NINL: variants seen among roughly 807,000 people sequenced by gnomAD.
NINL encodes ninein-like protein.
A neutral mutation model predicts 160.3 loss-of-function variants in NINL; 153 were observed. The ratio of observed to expected loss-of-function variants is 0.95; its 90% CI spans 0.84 to 1.09. NINL has a LOEUF of 1.09. Ranked by LOEUF, NINL falls within the 50% of genes least tolerant of loss-of-function variation. The pLI is 0.00. For synonymous variants in NINL, 800 were observed against 734.8 expected (o/e 1.09, Z -1.43); for missense variants, 1,829 against 1,764.0 (o/e 1.04, Z -0.66).
intron 10 of NINL, 71 bp downstream of exon 10, chr20:25,496,592 T>A: frequency 1.3e-6 from 2 of 1,567,632 alleles, no homozygotes; most frequent in South Asian, 1.2e-5. Flanking sequence ...GGCAGCCCTG[T>A]GTCCACTACC....
chr20:25,481,168 C>T (rs1046877744), intron 14 of NINL, among the ~76,000 whole-genome samples: 3 of 152,128 alleles, frequency 2.0e-5, no homozygotes, highest in East Asian at 1.9e-4. Flanking sequence ...GAAGTTCTCC[C>T]GGGGTTACAG....
At chr20:25,482,487 C>T (rs541770394) in intron 13 of NINL, among the ~76,000 whole-genome samples, 6 of 152,132 alleles carry the variant, frequency 3.9e-5, no homozygotes, top group Admixed American at 2.0e-4. Flanking sequence ...TACAGGTGTG[C>T]GCCACTACGC....
rs187223112 is a variant in NINL at position 25,531,497 on chromosome 20, C to T, written c.-11-4899G>A. ...GTTCAGAGATTACAGTAAAGACAGG[C>T]GTAAGAAATTATAAAAGTATTAATT... On this transcript the variant is annotated intron_variant, in intron 1 of 23. Transcript: ENST00000278886. Among the ~76,000 whole-genome samples the T allele has an allele frequency of 7.0e-3, 1,064 of 152,198 alleles. 4 individuals carry two copies. The highest frequency in any genetic ancestry group is 0.011 in the Non-Finnish European group (748 of 68,014).
At chr20:25,511,080 C>T (rs1255096326) in intron 4 of NINL, among the ~76,000 whole-genome samples, 2 of 152,298 alleles carry the variant, frequency 1.3e-5, no homozygotes, top group African/African-American at 4.8e-5. Context: ...GAAGCTGTCC[C>T]CCTCTGCATG....
chr20:25,557,160 A>AATTT (rs1355737002), intron 1 of NINL, among the ~76,000 whole-genome samples: 1 of 152,210 alleles, frequency 6.6e-6, no homozygotes, highest in Admixed American at 6.5e-5. Flanking sequence ...ATTATTTTTG[A>AATTT]AAAGTAAGTG....
intron 1 of NINL, among the ~76,000 whole-genome samples, chr20:25,555,767 C>A (rs887220420): frequency 6.6e-6 from 1 of 152,140 alleles, no homozygotes; most frequent in Non-Finnish European, 1.5e-5. Context: ...TTCCACCTCC[C>A]GGGTTCAAGC....
At chr20:25,529,774 G>A (rs917720673) in intron 1 of NINL, among the ~76,000 whole-genome samples, 2 of 152,154 alleles carry the variant, frequency 1.3e-5, no homozygotes, top group Admixed American at 6.5e-5. Context: ...CCAGGAAGTC[G>A]AGGCTGCAGT....
chr20:25,531,312 C>T (rs2064456936), intron 1 of NINL, among the ~76,000 whole-genome samples: 1 of 152,134 alleles, frequency 6.6e-6, no homozygotes, highest in Non-Finnish European at 1.5e-5. Context: ...ACAATTTGTG[C>T]AGTTAATGCA....
intron 8 of NINL, among the ~76,000 whole-genome samples, chr20:25,500,186 C>G (rs1023832946): frequency 1.3e-5 from 2 of 152,316 alleles, no homozygotes; most frequent in South Asian, 4.1e-4. Flanking sequence ...ACCTCTGCCC[C>G]TGCACAGTTG....
intron 19 of NINL, among the ~76,000 whole-genome samples, chr20:25,465,318 T>G (rs1256593135): frequency 6.6e-6 from 1 of 152,120 alleles, no homozygotes; most frequent in Non-Finnish European, 1.5e-5. Flanking sequence ...GGATGTGTTG[T>G]CCAAAGAAGC....
chr20:25,461,735 T>G, intron 20 of NINL, 100 bp from the exon 21 acceptor site: 1 of 833,052 alleles, frequency 1.2e-6, no homozygotes, highest in Non-Finnish European at 1.9e-6. Context: ...AGAAAAAAAG[T>G]ACAAAATTTA....
At chr20:25,509,652 T>G (rs932303951) in intron 5 of NINL, 1 of 456,640 alleles carries the variant, frequency 2.2e-6, no homozygotes, top group Non-Finnish European at 4.4e-6. Context: ...GCCACCACAC[T>G]GATCCTCTCA....
chr20:25,533,813 C>A (rs1483151943), intron 1 of NINL, among the ~76,000 whole-genome samples: 1 of 152,104 alleles, frequency 6.6e-6, no homozygotes, highest in African/African-American at 2.4e-5. Flanking sequence ...GATCAAAGAC[C>A]TTAAATGTAA....
chr20:25,472,344 T>TATATATAC (rs968177492), intron 17 of NINL, among the ~76,000 whole-genome samples: 1 of 135,864 alleles, frequency 7.4e-6, no homozygotes, highest in African/African-American at 2.8e-5. Context: ...TATATATATA[T>TATATATAC]ATATATATAT....
At chr20:25,563,867 A>G (rs1324988263) in intron 1 of NINL, among the ~76,000 whole-genome samples, 2 of 152,208 alleles carry the variant, frequency 1.3e-5, no homozygotes, top group African/African-American at 2.4e-5. Context: ...GTGTCAAGAG[A>G]TGAAAAAGAG....
At chr20:25,515,642 T>A (rs895424241) in intron 3 of NINL, among the ~76,000 whole-genome samples, 1 of 152,146 alleles carries the variant, frequency 6.6e-6, no homozygotes, top group Non-Finnish European at 1.5e-5. Context: ...TGAATTTAAT[T>A]CCCAATGGTG....
chr20:25,513,151 G>T, intron 3 of NINL, 145 bp from the exon 4 acceptor site: 1 of 720,946 alleles, frequency 1.4e-6, no homozygotes, highest in Non-Finnish European at 2.1e-6. Context: ...GAAGCATCTG[G>T]AAAGACACGA....
chr20:25,564,772 C>A (rs1250175466), intron 1 of NINL, among the ~76,000 whole-genome samples: 2 of 149,620 alleles, frequency 1.3e-5, no homozygotes, highest in Non-Finnish European at 3.0e-5. Context: ...ATGTAAAGAG[C>A]CTGAAAGGTG....
chr20:25,563,745 G>C (rs1190349498), intron 1 of NINL, among the ~76,000 whole-genome samples: 1 of 152,110 alleles, frequency 6.6e-6, no homozygotes, highest in East Asian at 1.9e-4. Flanking sequence ...TGAAAAGAGA[G>C]AGACTATGGA....
Sources: allele counts gnomAD v4.1 joint callset (sites outside exome capture counted in the v4.1 genomes callset), GRCh38; gene constraint gnomAD v4.1.1; transcripts MANE v1.5; gene names NCBI Gene and HGNC (gene_info 2026-07-23, HGNC 2026-07-21).